GRIK2: variants seen among roughly 807,000 people sequenced by gnomAD.
The protein encoded by GRIK2 is glutamate ionotropic receptor kainate type subunit 2, also known as glutamate receptor ionotropic, kainate 2.
Under a neutral mutation model 100.3 loss-of-function variants are expected in GRIK2, and 32 were observed. The observed-to-expected ratio is 0.32, with a 90% CI of 0.24 to 0.43. GRIK2 has a LOEUF of 0.43. Ranked by LOEUF, GRIK2 falls within the 20% of genes least tolerant of loss-of-function variation. GRIK2 has a pLI of 1.00. For synonymous variants in GRIK2, 417 were observed against 389.4 expected (o/e 1.07, Z -0.83); for missense variants, 843 against 1,114.9 (o/e 0.76, Z 3.47).
chr6:101,543,172 C>T (rs1776086964), intron 2 of GRIK2, among the ~76,000 whole-genome samples: 1 of 152,064 alleles, frequency 6.6e-6, no homozygotes, highest in Non-Finnish European at 1.5e-5. Flanking sequence ...TTTGTAAGCA[C>T]CTGGAAGAAC....
intron 7 of GRIK2, among the ~76,000 whole-genome samples, chr6:101,707,560 AT>A (rs1773398672): frequency 9.3e-6 from 1 of 107,546 alleles, no homozygotes; most frequent in African/African-American, 5.4e-5. Flanking sequence ...ATGTGTATAT[AT>A]ATGTATATAT....
At chr6:101,856,163 A>T (rs1315954226) in intron 10 of GRIK2, among the ~76,000 whole-genome samples, 1 of 152,138 alleles carries the variant, frequency 6.6e-6, no homozygotes, top group Non-Finnish European at 1.5e-5. Context: ...AGTAGTGGGG[A>T]GGTAATTCAA....
At chr6:101,962,120 C>CATCT (rs1281539763) in intron 14 of GRIK2, among the ~76,000 whole-genome samples, 2 of 152,124 alleles carry the variant, frequency 1.3e-5, no homozygotes, top group Non-Finnish European at 2.9e-5. Flanking sequence ...AAAGTACCCC[C>CATCT]ATCTACCTTA....
At chr6:101,747,071 G>C (rs560578227) in intron 7 of GRIK2, among the ~76,000 whole-genome samples, 1 of 151,932 alleles carries the variant, frequency 6.6e-6, no homozygotes, top group South Asian at 2.1e-4. Context: ...TAAGTCTTCC[G>C]TGTCCCTTTG....
At chr6:101,673,068 T>C (rs1043071763) in intron 4 of GRIK2, among the ~76,000 whole-genome samples, 1 of 152,196 alleles carries the variant, frequency 6.6e-6, no homozygotes, top group Non-Finnish European at 1.5e-5. Flanking sequence ...TTTTTGACTT[T>C]TTAATAATAG....
intron 7 of GRIK2, among the ~76,000 whole-genome samples, chr6:101,751,132 T>C (rs1776760279): frequency 6.6e-6 from 1 of 152,120 alleles, no homozygotes; most frequent in Admixed American, 6.5e-5. Flanking sequence ...GAGATGGGGG[T>C]CCCACTATGT....
chr6:101,850,476 A>G (rs1397275893), intron 10 of GRIK2, among the ~76,000 whole-genome samples: 1 of 152,046 alleles, frequency 6.6e-6, no homozygotes, highest in Non-Finnish European at 1.5e-5. Flanking sequence ...AGACACTGAT[A>G]TCTCAGGGTT....
intron 14 of GRIK2, among the ~76,000 whole-genome samples, chr6:102,006,178 A>G (rs1343888022): frequency 6.8e-6 from 1 of 147,396 alleles, no homozygotes; most frequent in Non-Finnish European, 1.5e-5. Flanking sequence ...ATTTTTCATA[A>G]CATTAGTGCA....
At chr6:101,415,007 G>T (rs75604572) in intron 2 of GRIK2, among the ~76,000 whole-genome samples, 1 of 150,478 alleles carries the variant, frequency 6.6e-6, no homozygotes, top group African/African-American at 2.5e-5. Flanking sequence ...TGGTGTGTGG[G>T]GTGTGTGTGT....
chr6:101,782,860 T>C (rs921434860), intron 7 of GRIK2, among the ~76,000 whole-genome samples: 22 of 147,630 alleles, frequency 1.5e-4, no homozygotes, highest in Admixed American at 3.4e-4. Flanking sequence ...CAAATCTCTT[T>C]TTTTTTTTTT....
chr6:101,737,085 A>G (rs1033599647), intron 7 of GRIK2, among the ~76,000 whole-genome samples: 1 of 152,042 alleles, frequency 6.6e-6, no homozygotes, highest in African/African-American at 2.4e-5. Flanking sequence ...TCCACCCGAG[A>G]CCACCTCAGC....
chr6:102,055,187 T>A, intron 15 of GRIK2, 143 bp from the exon 16 acceptor site: 2 of 577,450 alleles, frequency 3.5e-6, no homozygotes, highest in South Asian at 4.8e-5. Flanking sequence ...TATGTGTTTT[T>A]TCCAGTTGTT....
chr6:101,674,819 G>A (rs1181186809), intron 4 of GRIK2, among the ~76,000 whole-genome samples: 1 of 152,138 alleles, frequency 6.6e-6, no homozygotes, highest in Non-Finnish European at 1.5e-5. Context: ...AACTTACAGT[G>A]AAGCAACTTT....
intron 7 of GRIK2, among the ~76,000 whole-genome samples, chr6:101,754,892 G>A (rs1244220009): frequency 6.6e-6 from 1 of 152,180 alleles, no homozygotes; most frequent in Non-Finnish European, 1.5e-5. Context: ...AGGGATAGCG[G>A]AATGTAAACA....
chr6:101,728,475 C>T (rs908587560), intron 7 of GRIK2, among the ~76,000 whole-genome samples: 32 of 152,120 alleles, frequency 2.1e-4, no homozygotes, highest in African/African-American at 7.0e-4. Flanking sequence ...GACATCGTGA[C>T]ATTTATTTTA....
chr6:101,931,817 T>C (rs950214512), intron 14 of GRIK2, among the ~76,000 whole-genome samples: 5 of 152,130 alleles, frequency 3.3e-5, no homozygotes, highest in Non-Finnish European at 5.9e-5. Flanking sequence ...AATATGTTCT[T>C]AATCATATTT....
At chr6:101,415,457 G>A (rs977036242) in intron 2 of GRIK2, among the ~76,000 whole-genome samples, 2 of 142,266 alleles carry the variant, frequency 1.4e-5, no homozygotes, top group African/African-American at 5.3e-5. Context: ...TGCAAGCTCT[G>A]CCCCCTGGGT....
At chr6:102,030,920 C>T (rs1326681648) in intron 14 of GRIK2, among the ~76,000 whole-genome samples, 1 of 151,004 alleles carries the variant, frequency 6.6e-6, no homozygotes, top group Non-Finnish European at 1.5e-5. Flanking sequence ...CCTCATGGGT[C>T]CCCAACTCAC....
At chr6:101,479,643 A>C (rs147806332) in intron 2 of GRIK2, among the ~76,000 whole-genome samples, 1 of 152,164 alleles carries the variant, frequency 6.6e-6, no homozygotes, top group Non-Finnish European at 1.5e-5. Flanking sequence ...TTACTGGAAC[A>C]ATAAGTAGAT....
Sources: allele counts gnomAD v4.1 joint callset (sites outside exome capture counted in the v4.1 genomes callset), GRCh38; gene constraint gnomAD v4.1.1; transcripts MANE v1.5; gene names NCBI Gene and HGNC (gene_info 2026-07-23, HGNC 2026-07-21).